CCDC85C: variants seen among roughly 807,000 people sequenced by gnomAD.
CCDC85C encodes coiled-coil domain containing 85C.
Under a neutral mutation model 38.3 loss-of-function variants are expected in CCDC85C, and 18 were observed. The observed-to-expected ratio is 0.47, with a 90% CI of 0.33 to 0.70. CCDC85C has a LOEUF of 0.70. Ranked by LOEUF, CCDC85C falls within the 30% of genes least tolerant of loss-of-function variation. The probability of loss-of-function intolerance (pLI) is 0.03; values close to 1 mark genes in which losing one functional copy is unlikely to be tolerated. For synonymous variants in CCDC85C, 264 were observed against 293.8 expected (o/e 0.90, Z 1.04); for missense variants, 566 against 621.2 (o/e 0.91, Z 0.94).
intron 1 of CCDC85C, among the ~76,000 whole-genome samples, chr14:99,577,824 A>C (rs1898519630): frequency 1.7e-5 from 2 of 114,730 alleles, no homozygotes; most frequent in Admixed American, 9.2e-5. Flanking sequence ...TACACATCAC[A>C]CCCATACAGC....
rs1364213279 is a variant in CCDC85C, at chr14:99,603,885, G to A, written c.75C>T (p.Arg25=). 33 of 1,502,456 alleles carry A rather than the reference G, an allele frequency of 2.2e-5. No individual in the cohort carries two copies. Among genetic ancestry groups the A allele is most frequent in the Non-Finnish European group, 2.6e-5 (29 of 1,131,666 alleles). 93.1% of individuals were successfully genotyped at this position (1,502,456 alleles called of 1,614,324 possible). A position where few individuals can be genotyped will look rare whatever the true frequency, so the allele number is the denominator to read the frequency against. Reference sequence around the variant, plus strand: ...GCCGCGCCAGCTCCTCCTTGCTCCAGCGCAGCAGCTCCTCGTCCGGCACCT... The same window carrying A: ...GCCGCGCCAGCTCCTCCTTGCTCCAACGCAGCAGCTCCTCGTCCGGCACCT... ...LSQVPDEELL[R]WSKEELARRL... The change falls in exon 1 of 6, where the codon CGC becomes CGT. Residue 25 remains arginine, a synonymous_variant. Transcript: ENST00000380243. This position sits in a 1 kb window ranked among gnomAD's most constrained non-coding sequence, Gnocchi z 7.5.
chr14:99,552,881 AC>A (rs1455013749), intron 1 of CCDC85C, among the ~76,000 whole-genome samples: 1 of 152,166 alleles, frequency 6.6e-6, no homozygotes, highest in East Asian at 1.9e-4. Flanking sequence ...GGCTCTTGGC[AC>A]CGTGACATCA....
chr14:99,519,239 C>T (rs1170538255), intron 3 of CCDC85C, among the ~76,000 whole-genome samples: 1 of 150,152 alleles, frequency 6.7e-6, no homozygotes, highest in African/African-American at 2.5e-5. Flanking sequence ...CCCCAGCTTC[C>T]AGCGTAGTTG....
chr14:99,570,283 T>C (rs1453306558), intron 1 of CCDC85C, among the ~76,000 whole-genome samples: 1 of 152,156 alleles, frequency 6.6e-6, no homozygotes, highest in African/African-American at 2.4e-5. Context: ...CAGCAACCAA[T>C]GCTGGGGCCA....
chr14:99,512,898 A>G lies in CCDC85C; in HGVS notation c.*2348T>C, dbSNP rs1027242693. On this transcript the variant is annotated 3_prime_UTR_variant, in exon 6 of 6. Transcript: ENST00000380243. Reference sequence around the variant, plus strand: ...GCAACTGCCACCTGTACTCAGGTACATGGCGTCGCTGCTGCTGGCTTTTAA... The same window carrying G: ...GCAACTGCCACCTGTACTCAGGTACGTGGCGTCGCTGCTGCTGGCTTTTAA... 2.0e-5 allele frequency: 3 copies of G among 152,252 alleles called. No individual in the cohort carries two copies. Among genetic ancestry groups the G allele is most frequent in the Non-Finnish European group, 2.9e-5 (2 of 68,040 alleles). 9.4% of individuals were successfully genotyped at this position (152,252 alleles called of 1,614,324 possible). A position where few individuals can be genotyped will look rare whatever the true frequency, so the allele number is the denominator to read the frequency against.
chr14:99,502,572 A>G lies in CCDC85C; in HGVS notation c.*12674T>C, dbSNP rs1440525557. ...TTTTGGTAAACTAAAAATACACACC[A>G]GTGTTGCACACAACGAAGATGGGGT... On this transcript the variant is annotated 3_prime_UTR_variant, in exon 6 of 6. Transcript: ENST00000380243. 8.4e-7 allele frequency: 1 copy of G among 1,189,418 alleles called. No homozygotes were observed. Among genetic ancestry groups the G allele is most frequent in the Non-Finnish European group, 1.2e-6 (1 of 852,734 alleles). The allele number at this position is 1,189,418 out of a possible 1,614,324, so 73.7% of individuals were successfully genotyped here.
intron 1 of CCDC85C, among the ~76,000 whole-genome samples, chr14:99,591,161 C>T (rs1256528711): frequency 1.3e-5 from 2 of 152,210 alleles, no homozygotes; most frequent in African/African-American, 2.4e-5. Flanking sequence ...CCCACCCCAC[C>T]GTTTAAAAGC....
chr14:99,562,205 GC>G (rs969911480), intron 1 of CCDC85C, among the ~76,000 whole-genome samples: 1 of 152,094 alleles, frequency 6.6e-6, no homozygotes, highest in African/African-American at 2.4e-5. Flanking sequence ...CTGACCCTCT[GC>G]CCCCGGGCCT....
intron 1 of CCDC85C, among the ~76,000 whole-genome samples, chr14:99,574,004 A>G (rs1422145465): frequency 6.6e-6 from 1 of 152,210 alleles, no homozygotes; most frequent in Non-Finnish European, 1.5e-5. Flanking sequence ...AGCCGTGTTC[A>G]TGAGCTGCCA....
intron 2 of CCDC85C, chr14:99,522,635 G>A: frequency 6.2e-6 from 1 of 161,780 alleles, no homozygotes; most frequent in South Asian, 1.7e-4. Context: ...ACAGGGCCTG[G>A]GCCAGCCATC....
chr14:99,586,308 A>G (rs1191920973), intron 1 of CCDC85C, among the ~76,000 whole-genome samples: 1 of 152,356 alleles, frequency 6.6e-6, no homozygotes, highest in East Asian at 1.9e-4. Context: ...GGCCATCAGC[A>G]GGCACCAGAG....
At chr14:99,560,683 G>A (rs988404409) in intron 1 of CCDC85C, among the ~76,000 whole-genome samples, 8 of 152,240 alleles carry the variant, frequency 5.3e-5, no homozygotes, top group South Asian at 2.1e-4. Flanking sequence ...CTCAATGCAC[G>A]CCTCCTCCCT....
chr14:99,597,536 G>C lies in CCDC85C; in HGVS notation c.793+5631C>G, dbSNP rs2055155875. On this transcript the variant is annotated intron_variant, in intron 1 of 5. Coordinates refer to ENST00000380243, the MANE Select transcript of CCDC85C (RefSeq NM_001144995.2). The stretch of plus-strand genomic sequence containing the variant: ...ACCTCCCCTGACACAGCGCTCCCCA[G>C]CCCTGGAGGCAACACAGGCCACCTG... Among the ~76,000 whole-genome samples, 3 of 152,280 alleles carry C rather than the reference G, an allele frequency of 2.0e-5. No homozygotes were observed. In the South Asian group the frequency reaches 6.2e-4, roughly 32 times the overall value.
At position 99,580,458 on chromosome 14, in the gene CCDC85C, G is replaced by A. The variant is rs1172198425; in HGVS notation, c.793+22709C>T. Among the ~76,000 whole-genome samples, 7 of 131,478 alleles carry A rather than the reference G, an allele frequency of 5.3e-5. 1 individual carries two copies. Among genetic ancestry groups the A allele is most frequent in the African/African-American group, 1.7e-4 (6 of 36,134 alleles). The allele number at this position is 131,478 out of a possible 152,430, so 86.3% of individuals were successfully genotyped here. On this transcript the variant is annotated intron_variant, in intron 1 of 5. Transcript: ENST00000380243. Reference sequence around the variant, plus strand: ...GCCACAGGCTGGAGACATGAGGGACGTCCCCAGTGAGGGGAGGGGGGGAAG... The same window carrying A: ...GCCACAGGCTGGAGACATGAGGGACATCCCCAGTGAGGGGAGGGGGGGAAG...
intron 2 of CCDC85C, among the ~76,000 whole-genome samples, chr14:99,524,383 C>T (rs1362021003): frequency 6.6e-6 from 1 of 152,000 alleles, no homozygotes; most frequent in Non-Finnish European, 1.5e-5. Flanking sequence ...CAAATGGGCT[C>T]CCACGTGCTG....
At chr14:99,566,990 C>A (rs969437866) in intron 1 of CCDC85C, among the ~76,000 whole-genome samples, 1 of 152,222 alleles carries the variant, frequency 6.6e-6, no homozygotes, top group South Asian at 2.1e-4. Flanking sequence ...AGGCAGCGCT[C>A]CAGCCTCAAG....
intron 3 of CCDC85C, among the ~76,000 whole-genome samples, chr14:99,521,195 G>A (rs1897298755): frequency 6.6e-6 from 1 of 152,256 alleles, no homozygotes; most frequent in Admixed American, 6.5e-5. Context: ...GCTTTTCAGA[G>A]CCCTCCACCA....
At chr14:99,585,943 T>G (rs561904726) in intron 1 of CCDC85C, among the ~76,000 whole-genome samples, 16 of 152,346 alleles carry the variant, frequency 1.1e-4, no homozygotes, top group Admixed American at 7.2e-4. Flanking sequence ...CTGCTGTCCC[T>G]TTCTGGGCAA....
rs937851159 is a variant in CCDC85C, at chr14:99,567,714, A to C, written c.794-31626T>G. On this transcript the variant is annotated intron_variant, in intron 1 of 5. Coordinates refer to ENST00000380243, the MANE Select transcript of CCDC85C (RefSeq NM_001144995.2). ...GTAGCACATGCCTGCAGTCCCAGCT[A>C]CTTGGGAGGCTGAGGCAGGAGAATC... is the stretch of plus-strand genomic sequence containing the variant. 5.9e-5 allele frequency among the ~76,000 whole-genome samples: 9 copies of C among 152,330 alleles called. No individual in the cohort carries two copies. In the South Asian group the frequency reaches 8.3e-4, roughly 14 times the overall value.
Sources: allele counts gnomAD v4.1 joint callset (sites outside exome capture counted in the v4.1 genomes callset), GRCh38; gene constraint gnomAD v4.1.1; non-coding constraint Gnocchi (gnomAD v3.1); transcripts MANE v1.5; gene names NCBI Gene and HGNC (gene_info 2026-07-23, HGNC 2026-07-21).